Variants in QRICH2 observed in about 807,000 individuals in gnomAD.
The protein encoded by QRICH2 is glutamine rich 2.
Under a neutral mutation model 168.3 loss-of-function variants are expected in QRICH2, and 119 were observed. The ratio of observed to expected loss-of-function variants is 0.71; its 90% CI spans 0.61 to 0.82. QRICH2 has a LOEUF of 0.82. Among genes scored for constraint, QRICH2 ranks in the 40% least tolerant of loss-of-function variants. The pLI is 0.00. For synonymous variants in QRICH2, 894 were observed against 951.2 expected, an observed-to-expected ratio of 0.94 and a Z score of 1.11; for missense variants, 2,241 against 2,491.6, an observed-to-expected ratio of 0.90 and a Z score of 2.14.
intron 1 of QRICH2, among the ~76,000 whole-genome samples, chr17:76,305,205 C>T (rs1284179610): frequency 1.4e-5 from 2 of 145,542 alleles, no homozygotes; most frequent in Non-Finnish European, 3.0e-5. Flanking sequence ...GCTCTGTCAC[C>T]CAAGCTGCAG....
Position 76,277,202 on chromosome 17 carries a change from C to T in QRICH2, c.5226G>A (p.Arg1742=). The T allele has an allele frequency of 6.2e-7, 1 of 1,603,096 alleles. No homozygotes were observed. The highest frequency in any genetic ancestry group is 8.5e-7 in the Non-Finnish European group (1 of 1,176,956). ...YHRSRPQHLP[R]GLYPTEEIQI... ...GGATCTCTTCAGTAGGATACAGGCC[C>T]CGGGGAAGGTGCTGCGGGCGGCTGC... The change falls in exon 16 of 19, where the codon CGG becomes CGA. Residue 1742 remains arginine (R), a synonymous_variant. Coordinates refer to ENST00000680821, the MANE Select transcript of QRICH2 (RefSeq NM_001388453.1).
At chr17:76,297,437 G>A (rs2070814938) in intron 3 of QRICH2, among the ~76,000 whole-genome samples, 1 of 152,062 alleles carries the variant, frequency 6.6e-6, no homozygotes, top group South Asian at 2.1e-4. Flanking sequence ...AACCCAGGAG[G>A]CGGAGATTGC....
chr17:76,287,434 G>A (rs991845947), intron 6 of QRICH2, 128 bp from the exon 7 acceptor site: 4 of 713,398 alleles, frequency 5.6e-6, no homozygotes, highest in Non-Finnish European at 1.0e-5. Flanking sequence ...CCCCTCCAAT[G>A]GATTTTGTCT....
In QRICH2 at chr17:76,280,896, C is replaced by T. The variant is rs199760483; in HGVS notation, c.4321G>A (p.Glu1441Lys). Residue 1441 changes from glutamate (E) to lysine (K), a missense_variant, in exon 9 of 19, where the codon GAG (glutamate) becomes AAG (lysine). Glu to Lys is a moderately conservative substitution (Grantham distance 56). This residue lies in a region of QRICH2 where 2,047 missense variants were observed against 2,303.8 expected (regional missense o/e 0.89). Coordinates refer to ENST00000680821, the MANE Select transcript of QRICH2 (RefSeq NM_001388453.1). This position sits in a 1 kb window ranked among gnomAD's most constrained non-coding sequence, Gnocchi z 7.4. ...TTGCTGGTGGTGATGTTGAGCTTCT[C>T]GCAGTCACCCTGCACCTGCAGGATG... The part of the protein sequence containing the change: ...SAILQVQGDC[E>K]KLNITTSNLI... 112 of 1,613,220 alleles carry T rather than the reference C, an allele frequency of 6.9e-5. 1 individual carries two copies. The highest frequency in any genetic ancestry group is 4.5e-4 in the South Asian group (41 of 91,084).
intron 15 of QRICH2, among the ~76,000 whole-genome samples, 156 bp downstream of exon 15, chr17:76,277,833 C>T (rs2070714764): frequency 6.6e-6 from 1 of 152,064 alleles, no homozygotes; most frequent in South Asian, 2.1e-4. Flanking sequence ...ACACATCACA[C>T]ACACTAACAC....
At position 76,280,864 on chromosome 17, in the gene QRICH2, G is replaced by A. The variant is rs778232924; in HGVS notation, c.4353C>T (p.Ile1451=). 32 of 1,613,684 alleles carry A rather than the reference G, an allele frequency of 2.0e-5. No individual in the cohort carries two copies. Among genetic ancestry groups the A allele is most frequent in the Non-Finnish European group, 2.4e-5 (28 of 1,180,008 alleles). Residue 1451 remains isoleucine (I), a synonymous_variant, in exon 9 of 19, where the codon ATC becomes ATT. Coordinates refer to ENST00000680821, the MANE Select transcript of QRICH2 (RefSeq NM_001388453.1). The surrounding 1 kb of genome is among the most constrained non-coding windows in gnomAD (Gnocchi z 7.4). ...EKLNITTSNL[I]EDHRQKQKDI... ...CCTTCTGTTTCTGCCGATGGTCCTC[G>A]ATGAGGTTGCTGGTGGTGATGTTGA...
chr17:76,300,735 A>G (rs1394880611), intron 3 of QRICH2, among the ~76,000 whole-genome samples: 1 of 152,138 alleles, frequency 6.6e-6, no homozygotes, highest in Non-Finnish European at 1.5e-5. Flanking sequence ...AGCCTGGGCA[A>G]CATGGCAAAA....
Position 76,279,447 on chromosome 17 carries a change from A to G in QRICH2, c.4749-19T>C. 2 of 1,600,230 alleles carry G rather than the reference A, an allele frequency of 1.2e-6. No individual in the cohort carries two copies. The highest frequency in any genetic ancestry group is 2.7e-5 in the African/African-American group (2 of 74,674). On this transcript the variant is annotated intron_variant, in intron 12 of 18. Transcript: ENST00000680821. The stretch of plus-strand genomic sequence containing the variant: ...GAGCTGCCTGTTAGGAATGGGACGC[A>G]CACGCAGGGTGAGTGCTCTGCCCGG...
chr17:76,294,111 T>A, intron 3 of QRICH2, 90 bp from the exon 4 acceptor site: 1 of 1,480,884 alleles, frequency 6.8e-7, no homozygotes, highest in Non-Finnish European at 9.0e-7. Context: ...CTGACTAGGA[T>A]GATTTAGGGC....
At chr17:76,283,149 C>G (rs931316882) in intron 7 of QRICH2, among the ~76,000 whole-genome samples, 9 of 152,316 alleles carry the variant, frequency 5.9e-5, no homozygotes, top group African/African-American at 2.2e-4. Flanking sequence ...ACCAGAAGAG[C>G]CTGCCCGGAG....
At chr17:76,302,930 C>T (rs1459258700) in intron 3 of QRICH2, among the ~76,000 whole-genome samples, 1 of 151,710 alleles carries the variant, frequency 6.6e-6, no homozygotes, top group Admixed American at 6.6e-5. Context: ...GTGGCCCAGG[C>T]TAGAGTGCAG....
Position 76,276,739 on chromosome 17 carries a change from T to C in QRICH2, c.5294A>G (p.Asp1765Gly), listed in dbSNP as rs750213080. The part of the protein sequence containing the change: ...KHDEVDILGL[D>G]GHIYKGRMDT... ...CATCCGTCCCTTGTAAATGTGGCCA[T>C]CCAGGCCCAAGATGTCCACCTCATC... The change falls in exon 17 of 19, where the codon GAT (aspartate) becomes GGT (glycine). Residue 1765 changes from aspartate to glycine, a missense_variant. Asp to Gly is a moderately conservative substitution (Grantham distance 94). Coordinates refer to ENST00000680821, the MANE Select transcript of QRICH2 (RefSeq NM_001388453.1). 9 of 1,613,120 alleles carry C rather than the reference T, an allele frequency of 5.6e-6. No homozygotes were observed. Among genetic ancestry groups the C allele is most frequent in the African/African-American group, 1.3e-5 (1 of 74,914 alleles).
chr17:76,288,900 C>T (rs1233591196), intron 5 of QRICH2, among the ~76,000 whole-genome samples: 18 of 151,666 alleles, frequency 1.2e-4, no homozygotes, highest in Admixed American at 9.2e-4. Context: ...GTCAGGAAAT[C>T]GAGACCATCC....
chr17:76,280,909 C>T lies in QRICH2; in HGVS notation c.4308G>A (p.Val1436=), dbSNP rs761541606. The part of the protein sequence containing the change: ...LGRVQSAILQ[V]QGDCEKLNIT... The stretch of plus-strand genomic sequence containing the variant: ...TGTTGAGCTTCTCGCAGTCACCCTG[C>T]ACCTGCAGGATGGCACTCTGCACAC... The change falls in exon 9 of 19, where the codon GTG becomes GTA. Residue 1436 remains valine (V), a synonymous_variant. Transcript: ENST00000680821. The surrounding 1 kb of genome is among the most constrained non-coding windows in gnomAD (Gnocchi z 7.4). The T allele has an allele frequency of 6.2e-7, 1 of 1,612,886 alleles. No individual in the cohort carries two copies.
At chr17:76,289,570 T>C (rs373025987) in intron 5 of QRICH2, among the ~76,000 whole-genome samples, 1 of 152,058 alleles carries the variant, frequency 6.6e-6, no homozygotes, top group East Asian at 1.9e-4. Context: ...AAAGATCCAA[T>C]TAGATAATAA....
At position 76,304,923 on chromosome 17, in the gene QRICH2, C is replaced by T. The variant is rs1451411714; in HGVS notation, c.553G>A (p.Asp185Asn). The T allele has an allele frequency of 2.5e-6, 4 of 1,613,506 alleles. No homozygotes were observed. The Admixed American group carries it at 6.7e-5, about 27-fold the overall frequency. ...TCTTTGAATAGCTTCTCTAGTTCAT[C>T]AACCCGCTGTAAAAGTACCTGGAAG... ...SFARVLLQRV[D>N]ELEKLFKDRE... The change falls in exon 2 of 19, where the codon GAT becomes AAT. Residue 185 changes from aspartate (D) to asparagine (N), a missense_variant. Transcript: ENST00000680821.
intron 3 of QRICH2, among the ~76,000 whole-genome samples, chr17:76,300,790 G>A (rs1442580491): frequency 1.3e-5 from 2 of 151,810 alleles, no homozygotes; most frequent in African/African-American, 2.4e-5. Context: ...GGTGGCTCAC[G>A]CCTGTAATCC....
In QRICH2 at chr17:76,307,847, TG is replaced by T. The variant is rs1264498268; in HGVS notation, c.151del (p.Gln51SerfsTer53). On this transcript the variant is annotated frameshift_variant, in exon 1 of 19. Coordinates refer to ENST00000680821, the MANE Select transcript of QRICH2 (RefSeq NM_001388453.1). LOFTEE classifies it high-confidence loss of function. This position sits in a 1 kb window ranked among gnomAD's most constrained non-coding sequence, Gnocchi z 5.3. Reference protein sequence around the residue: ...LDLQNTRIDFQPSSPEPSRSL... With the variant: ...LDLQNTRIDFXPSSPEPSRSL... ...GCGGCTGGGCTCGGGCGACGAGGGC[TG>T]GAAGTCGATCCGGGTATTTTGGAGG... The T allele has an allele frequency of 6.3e-6, 8 of 1,279,956 alleles. No individual in the cohort carries two copies. Among genetic ancestry groups the T allele is most frequent in the Non-Finnish European group, 7.9e-6 (8 of 1,015,456 alleles). The allele number at this position is 1,279,956 out of a possible 1,614,324, so 79.3% of individuals were successfully genotyped here.
At chr17:76,310,570 A>G (rs1013733439), upstream of QRICH2, 17 of 151,676 alleles carry the variant, frequency 1.1e-4, no homozygotes, top group African/African-American at 3.9e-4. Context: ...GGCTCAGGCA[A>G]TCCTCCCACC....
Sources: allele counts gnomAD v4.1 joint callset (sites outside exome capture counted in the v4.1 genomes callset), GRCh38; gene constraint gnomAD v4.1.1; regional missense constraint gnomAD v4.1.1; non-coding constraint Gnocchi (gnomAD v3.1); transcripts MANE v1.5; gene names NCBI Gene and HGNC (gene_info 2026-07-23, HGNC 2026-07-21).